The following FHIP1A variants were observed in gnomAD, a reference collection of about 807,000 sequenced individuals.
FHIP1A encodes FHF complex subunit HOOK-interacting protein 1A.
FHIP1A carries 61 observed loss-of-function variants against 88.6 expected under a neutral mutation model. The observed-to-expected ratio is 0.69, with a 90% CI of 0.56 to 0.85. The LOEUF (loss-of-function observed/expected upper bound fraction) is 0.85, where lower values mean the gene tolerates loss of function less well. FHIP1A is among the 40% of genes least tolerant of loss of function. The pLI, the probability that FHIP1A is intolerant of heterozygous loss-of-function variation, is 0.00. For missense variants in FHIP1A, 1,154 were observed against 1,273.5 expected, an observed-to-expected ratio of 0.91 and a Z score of 1.43; for synonymous variants, 478 against 496.0, an observed-to-expected ratio of 0.96 and a Z score of 0.48.
intron 11 of FHIP1A, among the ~76,000 whole-genome samples, chr4:151,654,030 C>T (rs537855302): frequency 1.3e-5 from 2 of 151,230 alleles, no homozygotes; most frequent in Non-Finnish European, 2.9e-5. Flanking sequence ...TTTTGATTTT[C>T]AGCTGCTTAC....
intron 4 of FHIP1A, among the ~76,000 whole-genome samples, chr4:151,575,453 G>C (rs922131577): frequency 6.6e-6 from 1 of 152,152 alleles, no homozygotes; most frequent in Admixed American, 6.5e-5. Context: ...CAGGTGCAAG[G>C]AATCCTGGAG....
At chr4:151,545,482 A>G (rs781057044) in intron 3 of FHIP1A, among the ~76,000 whole-genome samples, 2 of 149,024 alleles carry the variant, frequency 1.3e-5, no homozygotes, top group African/African-American at 5.0e-5. Flanking sequence ...GGTTCAAGCA[A>G]TTCTCCTGCC....
rs540628481 is a variant in FHIP1A, at chr4:151,549,792, AC to A, written c.-122-16342del. ...GCCCTCTCTTGGGATCTGGATCGGG[AC>A]CCCTTTCTGGTAAGTTTCCTTAAAA... On this transcript the variant is annotated intron_variant, in intron 3 of 13. Coordinates refer to ENST00000435205, the MANE Select transcript of FHIP1A (RefSeq NM_001109977.3). 2.0e-3 allele frequency among the ~76,000 whole-genome samples: 305 copies of A among 152,186 alleles called. 6 individuals are homozygous for A. Among genetic ancestry groups the A allele is most frequent in the Non-Finnish European group, 5.9e-4 (40 of 67,994 alleles).
chr4:151,661,453 G>A (rs1232952247), intron 13 of FHIP1A, among the ~76,000 whole-genome samples: 1 of 148,104 alleles, frequency 6.8e-6, no homozygotes, highest in Non-Finnish European at 1.5e-5. Context: ...GTAGTGAGAT[G>A]TGGAAAGTAC....
At chr4:151,469,416 A>T (rs972684899) in intron 2 of FHIP1A, among the ~76,000 whole-genome samples, 2 of 152,168 alleles carry the variant, frequency 1.3e-5, no homozygotes, top group Admixed American at 1.3e-4. Context: ...CTTCTTTTTA[A>T]AATTTGATAC....
At chr4:151,413,082 A>G (rs967463006) in intron 1 of FHIP1A, among the ~76,000 whole-genome samples, 1 of 152,202 alleles carries the variant, frequency 6.6e-6, no homozygotes, top group Non-Finnish European at 1.5e-5. Flanking sequence ...AAGTGTGTGT[A>G]CACATGTAAC....
At chr4:151,576,914 G>C (rs1733811530) in intron 4 of FHIP1A, 1 of 152,694 alleles carries the variant, frequency 6.5e-6, no homozygotes, top group South Asian at 2.1e-4. Flanking sequence ...TGGGTAGTAT[G>C]GTTTCCTTTT....
chr4:151,664,342 T>C lies in FHIP1A; in HGVS notation c.*1588T>C, dbSNP rs925679110. 6.6e-6 allele frequency among the ~76,000 whole-genome samples: 1 copy of C among 152,228 alleles called. No individual in the cohort carries two copies. Among genetic ancestry groups the C allele is most frequent in the African/African-American group, 2.4e-5 (1 of 41,464 alleles). The stretch of plus-strand genomic sequence containing the variant: ...TGGAGCAGTGGAGGCCCTTTTGTGC[T>C]TCAGGAATCTTGAAGCAGCTTTGTA... On this transcript the variant is annotated 3_prime_UTR_variant, in exon 14 of 14. Transcript: ENST00000435205.
At chr4:151,461,248 A>G (rs1292161851) in intron 2 of FHIP1A, among the ~76,000 whole-genome samples, 1 of 152,218 alleles carries the variant, frequency 6.6e-6, no homozygotes, top group African/African-American at 2.4e-5. Context: ...AGAGATGTTT[A>G]GGAAGAAGCA....
Position 151,529,474 on chromosome 4 carries a change from C to G in FHIP1A, c.-122-36664C>G, listed in dbSNP as rs528622009. ...AGGCTGAGCTAATTCATGATTATCT[C>G]TGACATTAGAGCACATCATAGGTTA... On this transcript the variant is annotated intron_variant, in intron 3 of 13. Coordinates refer to ENST00000435205, the MANE Select transcript of FHIP1A (RefSeq NM_001109977.3). Among the ~76,000 whole-genome samples the G allele has an allele frequency of 1.4e-3, 212 of 152,314 alleles. 5 individuals are homozygous for G. The highest frequency in any genetic ancestry group is 1.3e-3 in the Non-Finnish European group (91 of 68,038).
chr4:151,572,523 G>GAACA (rs1034995556), intron 4 of FHIP1A, among the ~76,000 whole-genome samples: 6 of 152,170 alleles, frequency 3.9e-5, no homozygotes, highest in African/African-American at 9.7e-5. Flanking sequence ...GATGCACAAG[G>GAACA]AACACTTCAT....
chr4:151,641,502 T>C (rs1736587774), intron 9 of FHIP1A, among the ~76,000 whole-genome samples: 1 of 152,254 alleles, frequency 6.6e-6, no homozygotes, highest in Non-Finnish European at 1.5e-5. Context: ...CCAATGCAAA[T>C]TTGTAAACAT....
At chr4:151,480,757 A>G (rs11732407) in intron 2 of FHIP1A, among the ~76,000 whole-genome samples, 54,588 of 151,532 alleles carry the variant, frequency 0.36, 10,260 homozygotes, top group Non-Finnish European at 0.43. Context: ...TACTTTTCAT[A>G]CTCCACTCTT....
At chr4:151,424,607 T>C (rs1340454769) in intron 1 of FHIP1A, among the ~76,000 whole-genome samples, 1 of 152,178 alleles carries the variant, frequency 6.6e-6, no homozygotes, top group African/African-American at 2.4e-5. Context: ...ATTGACATAG[T>C]CATATTGGAT....
In FHIP1A at chr4:151,496,716, C is replaced by CTTTTTTTTTTTTTTTTTTT. The variant is rs58538673; in HGVS notation, c.-123+14085_-123+14086insTTTTTTTTTTTTTTTTTTT. On this transcript the variant is annotated intron_variant, in intron 3 of 13. Transcript: ENST00000435205. The stretch of plus-strand genomic sequence containing the variant: ...CACAGGAGCATACCACCACGTCCAG[C>CTTTTTTTTTTTTTTTTTTT]TTTTTTTTTTTTTTTTTGTATTTTT... Among the ~76,000 whole-genome samples, 245 of 102,410 alleles carry CTTTTTTTTTTTTTTTTTTT rather than the reference C, an allele frequency of 2.4e-3. 5 individuals are homozygous for CTTTTTTTTTTTTTTTTTTT. The highest frequency in any genetic ancestry group is 3.0e-3 in the Non-Finnish European group (159 of 53,076). The allele number at this position is 102,410 out of a possible 152,430, so 67.2% of individuals were successfully genotyped here. A position where few individuals can be genotyped will look rare whatever the true frequency, so the allele number is the denominator to read the frequency against.
intron 7 of FHIP1A, among the ~76,000 whole-genome samples, chr4:151,597,210 T>C (rs1480348016): frequency 1.3e-5 from 2 of 152,172 alleles, no homozygotes; most frequent in Admixed American, 6.5e-5. Flanking sequence ...ATGGGGTTTT[T>C]GAGTGGACGT....
intron 1 of FHIP1A, among the ~76,000 whole-genome samples, chr4:151,409,734 G>A (rs1206193674): frequency 3.9e-5 from 6 of 152,084 alleles, no homozygotes; most frequent in African/African-American, 1.4e-4. Context: ...GACTGACCCT[G>A]GGAGAGAGAG....
chr4:151,633,367 T>G (rs963103315), intron 8 of FHIP1A, among the ~76,000 whole-genome samples: 3 of 151,934 alleles, frequency 2.0e-5, no homozygotes, highest in African/African-American at 7.2e-5. Flanking sequence ...TTCACTCTAG[T>G]GGTCTACCAA....
intron 3 of FHIP1A, among the ~76,000 whole-genome samples, chr4:151,507,707 C>T (rs1416667500): frequency 1.3e-5 from 2 of 151,912 alleles, no homozygotes; most frequent in Non-Finnish European, 1.5e-5. Context: ...TTGTAATGAC[C>T]CATAGAAAAA....
Sources: gnomAD v4.1 joint callset for allele counts (sites outside exome capture counted in the v4.1 genomes callset) on GRCh38, gnomAD v4.1.1 for gene constraint, MANE v1.5 for transcripts, NCBI Gene and HGNC (gene_info 2026-07-23, HGNC 2026-07-21) for gene names.